Variants in NFATC3 observed in about 807,000 individuals in gnomAD.
NFATC3 encodes the protein nuclear factor of activated T cells 3, also known as nuclear factor of activated T-cells, cytoplasmic 3.
In NFATC3, 46 loss-of-function variants were observed where a neutral mutation model predicts 98.6. That is an observed-to-expected ratio of 0.47 (90% CI 0.37 to 0.60). The LOEUF is 0.60. NFATC3 is among the 20% of genes least tolerant of loss of function. The pLI is 0.00. For synonymous variants in NFATC3, 512 were observed against 472.2 expected, an observed-to-expected ratio of 1.08 and a Z score of -1.09; for missense variants, 1,256 against 1,295.5, an observed-to-expected ratio of 0.97 and a Z score of 0.47.
At chr16:68,218,885 T>C (rs1470441652) in intron 9 of NFATC3, among the ~76,000 whole-genome samples, 2 of 151,798 alleles carry the variant, frequency 1.3e-5, no homozygotes, top group African/African-American at 4.8e-5. Context: ...ATGGTGCTTT[T>C]ATAATAATTG....
chr16:68,160,986 C>T (rs117620519), intron 4 of NFATC3, among the ~76,000 whole-genome samples: 4,529 of 152,218 alleles, frequency 0.03, 96 homozygotes, highest in Middle Eastern at 0.15. Flanking sequence ...ACTGCAACGG[C>T]CTTAAACATT....
chr16:68,091,499 A>G (rs527682914), intron 1 of NFATC3, among the ~76,000 whole-genome samples: 2 of 152,348 alleles, frequency 1.3e-5, no homozygotes, highest in African/African-American at 4.8e-5. Context: ...TTCTTCAGAG[A>G]AAGTCATAAA....
chr16:68,129,517 G>A (rs866339407), intron 3 of NFATC3, among the ~76,000 whole-genome samples: 16 of 152,066 alleles, frequency 1.1e-4, no homozygotes, highest in African/African-American at 3.4e-4. Flanking sequence ...CCAGAAAAAT[G>A]TATATATTTC....
intron 1 of NFATC3, 140 bp from the exon 2 acceptor site, chr16:68,121,847 A>C (rs2036598626): frequency 1.2e-5 from 11 of 920,900 alleles, no homozygotes; most frequent in Non-Finnish European, 1.8e-5. Context: ...TCTTTAGTGG[A>C]GCTAATGACA....
intron 1 of NFATC3, among the ~76,000 whole-genome samples, chr16:68,104,714 C>T (rs2035558173): frequency 1.4e-5 from 2 of 144,990 alleles, no homozygotes; most frequent in Non-Finnish European, 3.0e-5. Flanking sequence ...TGCAGTGGCG[C>T]GATCTCTGCT....
chr16:68,149,680 C>A (rs1358398662), intron 3 of NFATC3, among the ~76,000 whole-genome samples: 8 of 152,280 alleles, frequency 5.3e-5, no homozygotes. Context: ...ACAAATGGTT[C>A]CCTTCTGAGG....
rs1555522047 is a variant in NFATC3 at position 68,192,230 on chromosome 16, A to AAAATAT, written c.3106+456_3106+457insAATATA. 113 of 82,578 alleles carry AAAATAT rather than the reference A, an allele frequency of 1.4e-3. 10 individuals are homozygous for AAAATAT. Among genetic ancestry groups the AAAATAT allele is most frequent in the Middle Eastern group, 0.011 (1 of 88 alleles). 5.1% of individuals were successfully genotyped at this position (82,578 alleles called of 1,614,324 possible). Reference sequence around the variant, plus strand: ...CTCGGGAAAAAAAAAAAAAAAAAAAAATATATATATATATATATATATATG... The same window carrying AAAATAT: ...CTCGGGAAAAAAAAAAAAAAAAAAAAAAATATATATATATATATATATATATATATG... On this transcript the variant is annotated intron_variant, in intron 9 of 9. Transcript: ENST00000346183.
chr16:68,123,011 C>T lies in NFATC3; in HGVS notation c.1128C>T (p.Gly376=). 6.2e-7 allele frequency: 1 copy of T among 1,613,972 alleles called. No homozygotes were observed. The highest frequency in any genetic ancestry group is 8.5e-7 in the Non-Finnish European group (1 of 1,180,034). The change falls in exon 2 of 10, where the codon GGC becomes GGT. Residue 376 remains glycine, a synonymous_variant. Coordinates refer to ENST00000346183, the MANE Select transcript of NFATC3 (RefSeq NM_173165.3). ...CCCGGGAGACTTCAATAGATGATGGCCTTGGATCTCAGTATCCTTTAAAGA... is the reference window on the plus strand; with the variant it reads ...CCCGGGAGACTTCAATAGATGATGGTCTTGGATCTCAGTATCCTTTAAAGA... ...SPARETSIDD[G]LGSQYPLKKD...
intron 3 of NFATC3, among the ~76,000 whole-genome samples, chr16:68,134,231 G>A (rs2037268825): frequency 1.3e-5 from 2 of 152,022 alleles, no homozygotes; most frequent in Non-Finnish European, 2.9e-5. Context: ...GCACAATCAC[G>A]ACCCATTGCA....
chr16:68,120,168 C>A (rs1340561619), intron 1 of NFATC3, among the ~76,000 whole-genome samples: 1 of 149,958 alleles, frequency 6.7e-6, no homozygotes, highest in Non-Finnish European at 1.5e-5. Flanking sequence ...GTGGTCTCGG[C>A]TACTTGAAAG....
chr16:68,186,109 G>A (rs1378565630), intron 8 of NFATC3, among the ~76,000 whole-genome samples: 1 of 151,650 alleles, frequency 6.6e-6, no homozygotes, highest in Non-Finnish European at 1.5e-5. Context: ...TGCTTGTGTA[G>A]TACTTGTTCT....
chr16:68,192,032 C>T (rs566508125), intron 9 of NFATC3: 22 of 364,892 alleles, frequency 6.0e-5, no homozygotes, highest in Non-Finnish European at 7.6e-5. Context: ...CATGGTGTAA[C>T]GCTGTCTCTA....
chr16:68,199,215 A>ATTT (rs1161857692), intron 9 of NFATC3, among the ~76,000 whole-genome samples: 1 of 146,446 alleles, frequency 6.8e-6, no homozygotes, highest in African/African-American at 2.6e-5. Context: ...GACCCTGTTT[A>ATTT]TTTTTTTTTT....
In NFATC3 at chr16:68,203,880, G is replaced by C. The variant is rs544855994; in HGVS notation, c.3106+12105G>C. 2.0e-5 allele frequency among the ~76,000 whole-genome samples: 3 copies of C among 152,004 alleles called. No individual in the cohort carries two copies. In the South Asian group the frequency reaches 6.2e-4, roughly 32 times the overall value. ...AGCTTAACCAACATGGTGAAACTTCGTCTCTACTAAAAACAGTAAAAATTG... is the reference window on the plus strand; with the variant it reads ...AGCTTAACCAACATGGTGAAACTTCCTCTCTACTAAAAACAGTAAAAATTG... On this transcript the variant is annotated intron_variant, in intron 9 of 9. Coordinates refer to ENST00000346183, the MANE Select transcript of NFATC3 (RefSeq NM_173165.3).
At position 68,100,429 on chromosome 16, in the gene NFATC3, C is replaced by T. The variant is rs2035281791; in HGVS notation, c.103+14645C>T. On this transcript the variant is annotated intron_variant, in intron 1 of 9. Transcript: ENST00000346183. ...CTCTACTAAAAATACAAAAATTAGT[C>T]AGGCATGATGATGCATGGCTGTAGT... is the stretch of plus-strand genomic sequence containing the variant. 2.0e-5 allele frequency among the ~76,000 whole-genome samples: 3 copies of T among 152,032 alleles called. No individual in the cohort carries two copies. The South Asian group carries it at 6.2e-4, about 32-fold the overall frequency.
intron 3 of NFATC3, among the ~76,000 whole-genome samples, chr16:68,154,097 G>A (rs2038485358): frequency 6.6e-6 from 1 of 151,804 alleles, no homozygotes; most frequent in Non-Finnish European, 1.5e-5. Context: ...GTGCGTGTGT[G>A]TGTGTAATGT....
chr16:68,206,042 C>A (rs1041483949), intron 9 of NFATC3, among the ~76,000 whole-genome samples: 1 of 151,960 alleles, frequency 6.6e-6, no homozygotes, highest in Non-Finnish European at 1.5e-5. Flanking sequence ...ATTGTTGATC[C>A]TTCCTCTTAC....
At chr16:68,175,051 C>T (rs1049351427) in intron 6 of NFATC3, among the ~76,000 whole-genome samples, 2 of 152,038 alleles carry the variant, frequency 1.3e-5, no homozygotes. Context: ...AATGGATAAA[C>T]AAAATGTGAT....
chr16:68,103,507 G>A (rs1011726046), intron 1 of NFATC3, among the ~76,000 whole-genome samples: 1 of 152,226 alleles, frequency 6.6e-6, no homozygotes, highest in Non-Finnish European at 1.5e-5. Context: ...ACTGGGCTTG[G>A]CCTCACTTTC....
Sources: allele counts gnomAD v4.1 joint callset (sites outside exome capture counted in the v4.1 genomes callset), GRCh38; gene constraint gnomAD v4.1.1; transcripts MANE v1.5; gene names NCBI Gene and HGNC (gene_info 2026-07-23, HGNC 2026-07-21).